PRMT2: variants seen among roughly 807,000 people sequenced by gnomAD.
PRMT2 encodes the protein protein arginine N-methyltransferase 2.
A neutral mutation model predicts 57.6 loss-of-function variants in PRMT2; 26 were observed. The observed-to-expected ratio is 0.45, with a 90% confidence interval of 0.33 to 0.63. The LOEUF (loss-of-function observed/expected upper bound fraction) is 0.63, where lower values mean the gene tolerates loss of function less well. Among genes scored for constraint, PRMT2 ranks in the 20% least tolerant of loss-of-function variants. PRMT2 has a pLI of 0.02. For missense variants in PRMT2, 472 were observed against 564.4 expected, an observed-to-expected ratio of 0.84 and a Z score of 1.66; for synonymous variants, 219 against 220.0, an observed-to-expected ratio of 1.00 and a Z score of 0.04.
chr21:46,661,571 T>TC, intron 9 of PRMT2: 1 of 357,294 alleles, frequency 2.8e-6, no homozygotes, highest in African/African-American at 2.1e-5. Flanking sequence ...TTCCGCAGAA[T>TC]CTGGGGTAGA....
intron 11 of PRMT2, 61 bp downstream of exon 11, chr21:46,663,615 G>A: frequency 1.3e-6 from 2 of 1,553,764 alleles, no homozygotes; most frequent in Non-Finnish European, 8.8e-7. Context: ...AGACAGGCCT[G>A]GGTGGTGGTA....
At chr21:46,652,442 C>G in intron 7 of PRMT2, 1 of 1,047,366 alleles carries the variant, frequency 9.5e-7, no homozygotes, top group Non-Finnish European at 1.2e-6. Flanking sequence ...AAGGTAACCT[C>G]ATGGAAGGTG....
intron 8 of PRMT2, chr21:46,659,685 A>G: frequency 1.0e-6 from 1 of 985,314 alleles, no homozygotes; most frequent in Non-Finnish European, 1.2e-6. Flanking sequence ...TGTGGCTGCC[A>G]GGGCCTTAGA....
Position 46,648,216 on chromosome 21 carries a change from C to T in PRMT2, c.328-242C>T, listed in dbSNP as rs1043750945. 5 of 459,820 alleles carry T rather than the reference C, an allele frequency of 1.1e-5. No homozygotes were observed. Among genetic ancestry groups the T allele is most frequent in the African/African-American group, 5.8e-5 (3 of 52,028 alleles). The allele number at this position is 459,820 out of a possible 1,614,324, so 28.5% of individuals were successfully genotyped here. A position where few individuals can be genotyped will look rare whatever the true frequency, so the allele number is the denominator to read the frequency against. On this transcript the variant is annotated intron_variant, in intron 5 of 11. Transcript: ENST00000355680. The surrounding 1 kb of genome is among the most constrained non-coding windows in gnomAD (Gnocchi z 4.8). ...TTGTCATACATGGTTGTGCACCTTT[C>T]TTGTTAAATTTGTTCCTAGGTATTT... is the stretch of plus-strand genomic sequence containing the variant.
chr21:46,659,533 T>A (rs1409781162), intron 8 of PRMT2: 7 of 961,446 alleles, frequency 7.3e-6, no homozygotes, highest in Non-Finnish European at 8.7e-6. Context: ...AAAAAATAAA[T>A]AAAATTACCA....
intron 10 of PRMT2, among the ~76,000 whole-genome samples, chr21:46,662,575 G>A (rs570484281): frequency 6.6e-6 from 1 of 152,312 alleles, no homozygotes; most frequent in African/African-American, 2.4e-5. Context: ...GGTGGAGGTG[G>A]GCAGCTTGGA....
chr21:46,662,566 G>C (rs1569166298), intron 10 of PRMT2, among the ~76,000 whole-genome samples: 2 of 152,208 alleles, frequency 1.3e-5, no homozygotes, highest in East Asian at 3.9e-4. Context: ...CCATCACCGG[G>C]TGGAGGTGGG....
rs749157451 is a variant in PRMT2 at position 46,648,321 on chromosome 21, G to A, written c.328-137G>A. 21 of 818,754 alleles carry A rather than the reference G, an allele frequency of 2.6e-5. No homozygotes were observed. Among genetic ancestry groups the A allele is most frequent in the Non-Finnish European group, 3.8e-5 (20 of 526,710 alleles). 50.7% of individuals were successfully genotyped at this position (818,754 alleles called of 1,614,324 possible). On this transcript the variant is annotated intron_variant, in intron 5 of 11. Transcript: ENST00000355680. This position sits in a 1 kb window ranked among gnomAD's most constrained non-coding sequence, Gnocchi z 4.8. ...TGAGATTAACTTGGTTGACAGTGAT[G>A]TCCAGGCCTTCCATAGTCTTCCATA...
At position 46,652,694 on chromosome 21, in the gene PRMT2, A is replaced by C. The variant is rs1379615825; in HGVS notation, c.654+2955A>C. The C allele has an allele frequency of 3.0e-6, 3 of 985,324 alleles. No homozygotes were observed. In the African/African-American group the frequency reaches 5.2e-5, roughly 17 times the overall value. 61.0% of individuals were successfully genotyped at this position (985,324 alleles called of 1,614,324 possible). ...AATAGGGCAGAATAAGTCAAAGAGCATTAAAATTTTTTTGTTTTTCCAGAA... is the reference window on the plus strand; with the variant it reads ...AATAGGGCAGAATAAGTCAAAGAGCCTTAAAATTTTTTTGTTTTTCCAGAA... On this transcript the variant is annotated intron_variant, in intron 7 of 11. Coordinates refer to ENST00000355680, the MANE Select transcript of PRMT2 (RefSeq NM_206962.4).
chr21:46,648,559 C>T lies in PRMT2; in HGVS notation c.429C>T (p.Asp143=), dbSNP rs751439987. The part of the protein sequence containing the change: ...KESLTDKVIL[D]VGCGTGIISL... ...CCCTGACGGATAAAGTCATCCTGGA[C>T]GTGGGCTGTGGGACTGGGATCATCA... Residue 143 remains aspartate (D), a synonymous_variant, in exon 6 of 12, where the codon GAC becomes GAT. Transcript: ENST00000355680. The surrounding 1 kb of genome is among the most constrained non-coding windows in gnomAD (Gnocchi z 4.8). 1.1e-5 allele frequency: 18 copies of T among 1,614,106 alleles called. No individual in the cohort carries two copies. The highest frequency in any genetic ancestry group is 3.3e-5 in the Admixed American group (2 of 60,008).
chr21:46,659,014 G>A (rs560600371), intron 8 of PRMT2, 94 bp downstream of exon 8: 84 of 1,488,122 alleles, frequency 5.6e-5, no homozygotes, highest in Non-Finnish European at 7.1e-5. Flanking sequence ...CCCATACGAC[G>A]GTTGGATAAA....
intron 5 of PRMT2, among the ~76,000 whole-genome samples, chr21:46,646,228 C>A (rs1314067307): frequency 6.6e-6 from 1 of 152,176 alleles, no homozygotes; most frequent in Admixed American, 6.5e-5. Flanking sequence ...TCTGCAGATA[C>A]TTTTTATTGC....
intron 8 of PRMT2, 54 bp from the exon 9 acceptor site, chr21:46,660,779 A>C: frequency 6.2e-7 from 1 of 1,600,626 alleles, no homozygotes; most frequent in Non-Finnish European, 8.5e-7. Flanking sequence ...GTGTGTTTTG[A>C]AGCCTAAGAT....
At chr21:46,653,583 G>A in intron 7 of PRMT2, 1 of 1,111,374 alleles carries the variant, frequency 9.0e-7, no homozygotes, top group Non-Finnish European at 1.1e-6. Context: ...AGTGGGACAG[G>A]CCTAAGGGAG....
At chr21:46,654,908 T>A in intron 7 of PRMT2, 1 of 984,506 alleles carries the variant, frequency 1.0e-6, no homozygotes. Flanking sequence ...TTCTTTCTTC[T>A]CCCTCTATGT....
Position 46,648,198 on chromosome 21 carries a change from A to G in PRMT2, c.328-260A>G, listed in dbSNP as rs2061393802. 1 of 422,748 alleles carries G rather than the reference A, an allele frequency of 2.4e-6. No homozygotes were observed. Among genetic ancestry groups the G allele is most frequent in the Non-Finnish European group, 4.3e-6 (1 of 231,020 alleles). The allele number at this position is 422,748 out of a possible 1,614,324, so 26.2% of individuals were successfully genotyped here. ...GATAAGGACAATATCTCTTTGTCAT[A>G]CATGGTTGTGCACCTTTCTTGTTAA... On this transcript the variant is annotated intron_variant, in intron 5 of 11. Transcript: ENST00000355680. The surrounding 1 kb of genome is among the most constrained non-coding windows in gnomAD (Gnocchi z 4.8).
At chr21:46,637,704 G>A (rs1798819988) in intron 3 of PRMT2, among the ~76,000 whole-genome samples, 1 of 151,948 alleles carries the variant, frequency 6.6e-6, no homozygotes. Context: ...TTTCCAGAAT[G>A]ATATTGTAAA....
chr21:46,664,604 G>T lies in PRMT2; in HGVS notation c.*277G>T. 1.8e-6 allele frequency: 1 copy of T among 546,158 alleles called. No individual in the cohort carries two copies. The highest frequency in any genetic ancestry group is 3.1e-5 in the Admixed American group (1 of 31,958). The allele number at this position is 546,158 out of a possible 1,614,324, so 33.8% of individuals were successfully genotyped here. A position where few individuals can be genotyped will look rare whatever the true frequency, so the allele number is the denominator to read the frequency against. ...GTTCACCCGTGGTGCCCACAGTGCCGACCCGTGGCTGGGTCGGAGCTCCAT... is the reference window on the plus strand; with the variant it reads ...GTTCACCCGTGGTGCCCACAGTGCCTACCCGTGGCTGGGTCGGAGCTCCAT... On this transcript the variant is annotated 3_prime_UTR_variant, in exon 12 of 12. Transcript: ENST00000355680.
At chr21:46,643,026 CAA>C (rs112297697) in intron 3 of PRMT2, among the ~76,000 whole-genome samples, 6,276 of 144,862 alleles carry the variant, frequency 0.043, 269 homozygotes, top group African/African-American at 0.13. Context: ...GACTCTGTCT[CAA>C]AAAAAAAAAA....
Sources: gnomAD v4.1 joint callset for allele counts (sites outside exome capture counted in the v4.1 genomes callset) on GRCh38, gnomAD v4.1.1 for gene constraint, Gnocchi (gnomAD v3.1) non-coding constraint, MANE v1.5 for transcripts, NCBI Gene and HGNC (gene_info 2026-07-23, HGNC 2026-07-21) for gene names.